The following PSKH1 variants were observed in gnomAD, a reference collection of about 807,000 sequenced individuals.
PSKH1 encodes the protein serine/threonine-protein kinase H1.
PSKH1 carries 12 observed loss-of-function variants against 26.7 expected under a neutral mutation model. The ratio of observed to expected loss-of-function variants is 0.45; its 90% CI spans 0.29 to 0.73. The LOEUF is 0.73. PSKH1 is among the 30% of genes least tolerant of loss of function. PSKH1 has a pLI of 0.11. For missense variants in PSKH1, 431 were observed against 595.2 expected (o/e 0.72, Z 2.87); for synonymous variants, 213 against 234.3 (o/e 0.91, Z 0.83).
chr16:67,928,926 C>A lies in PSKH1; in HGVS notation c.*1284C>A, dbSNP rs1253890629. The A allele has an allele frequency of 6.5e-6, 1 of 152,766 alleles. No homozygotes were observed. Among genetic ancestry groups the A allele is most frequent in the Admixed American group, 6.5e-5 (1 of 15,292 alleles). The allele number at this position is 152,766 out of a possible 1,614,324, so 9.5% of individuals were successfully genotyped here. ...TGCCAGGGGCACTGCCTTCTCACAG[C>A]TGGCCTTGCCCCGTCCACCCTGTGC... On this transcript the variant is annotated 3_prime_UTR_variant, in exon 3 of 3. Coordinates refer to ENST00000291041, the MANE Select transcript of PSKH1 (RefSeq NM_006742.3). The surrounding 1 kb of genome is among the most constrained non-coding windows in gnomAD (Gnocchi z 4.8).
At chr16:67,921,323 C>G (rs2058201784) in intron 2 of PSKH1, among the ~76,000 whole-genome samples, 1 of 151,910 alleles carries the variant, frequency 6.6e-6, no homozygotes, top group Non-Finnish European at 1.5e-5. Context: ...ACGCCTGTAT[C>G]CCAGCACTTT....
At position 67,908,810 on chromosome 16, in the gene PSKH1, G is replaced by A; in HGVS notation, c.61G>A (p.Val21Ile). 2 of 1,613,008 alleles carry A rather than the reference G, an allele frequency of 1.2e-6. No individual in the cohort carries two copies. The highest frequency in any genetic ancestry group is 1.7e-6 in the Non-Finnish European group (2 of 1,179,298). Residue 21 changes from valine (V) to isoleucine (I), a missense_variant, in exon 2 of 3, where the codon GTC becomes ATC. Val to Ile is a conservative substitution (Grantham distance 29). Coordinates refer to ENST00000291041, the MANE Select transcript of PSKH1 (RefSeq NM_006742.3). ...EPPKDVQLDL[V>I]KKVEPFSGTK... ...ACCCAAGGATGTCCAGCTGGATCTG[G>A]TCAAGAAGGTGGAGCCCTTCAGTGG...
intron 2 of PSKH1, among the ~76,000 whole-genome samples, chr16:67,920,498 A>T (rs551193938): frequency 6.6e-6 from 1 of 152,110 alleles, no homozygotes; most frequent in South Asian, 2.1e-4. Flanking sequence ...GCCTCAAGTG[A>T]TCCTCCTGCC....
At chr16:67,899,564 T>A (rs1391139158) in intron 1 of PSKH1, among the ~76,000 whole-genome samples, 2 of 152,126 alleles carry the variant, frequency 1.3e-5, no homozygotes, top group Non-Finnish European at 2.9e-5. Flanking sequence ...CTCAATCTCC[T>A]GTCCTCGTGA....
chr16:67,918,003 GAC>G (rs1017802028), intron 2 of PSKH1, among the ~76,000 whole-genome samples: 15 of 152,110 alleles, frequency 9.9e-5, no homozygotes, highest in Non-Finnish European at 1.9e-4. Flanking sequence ...GCAGTTTGAG[GAC>G]ACAGTCACCT....
In PSKH1 at chr16:67,929,573, A is replaced by G. The variant is rs138691382; in HGVS notation, c.*1931A>G. 1.2e-3 allele frequency: 252 copies of G among 216,886 alleles called. No individual in the cohort carries two copies. Among genetic ancestry groups the G allele is most frequent in the African/African-American group, 5.4e-3 (240 of 44,596 alleles). 13.4% of individuals were successfully genotyped at this position (216,886 alleles called of 1,614,324 possible). A position where few individuals can be genotyped will look rare whatever the true frequency, so the allele number is the denominator to read the frequency against. On this transcript the variant is annotated 3_prime_UTR_variant, in exon 3 of 3. Coordinates refer to ENST00000291041, the MANE Select transcript of PSKH1 (RefSeq NM_006742.3). ...TGGGCCTTCATGCCATGGCCTGTGGATGGAGAATGTGCAGTTATTTATTAT... is the reference window on the plus strand; with the variant it reads ...TGGGCCTTCATGCCATGGCCTGTGGGTGGAGAATGTGCAGTTATTTATTAT...
chr16:67,915,116 T>G (rs900212007), intron 2 of PSKH1, among the ~76,000 whole-genome samples: 4 of 152,078 alleles, frequency 2.6e-5, no homozygotes, highest in African/African-American at 4.8e-5. Context: ...GGTCCTTAGA[T>G]TCTGTTGTTC....
At chr16:67,895,369 CTT>C (rs959969087) in intron 1 of PSKH1, among the ~76,000 whole-genome samples, 10 of 151,678 alleles carry the variant, frequency 6.6e-5, no homozygotes, top group African/African-American at 2.2e-4. Context: ...CTGACCCACT[CTT>C]TGAGATTTTG....
At chr16:67,905,765 A>AT (rs1259101557) in intron 1 of PSKH1, among the ~76,000 whole-genome samples, 2 of 152,176 alleles carry the variant, frequency 1.3e-5, no homozygotes, top group Admixed American at 6.5e-5. Context: ...AGGCTGAGGC[A>AT]TGAGAATCGC....
At chr16:67,905,635 G>A (rs937034212) in intron 1 of PSKH1, among the ~76,000 whole-genome samples, 16 of 152,268 alleles carry the variant, frequency 1.1e-4, no homozygotes, top group South Asian at 4.1e-4. Context: ...CAAAGCTGGC[G>A]GATCACTTGA....
intron 2 of PSKH1, among the ~76,000 whole-genome samples, chr16:67,920,502 T>G (rs530378718): frequency 6.6e-6 from 1 of 152,260 alleles, no homozygotes; most frequent in East Asian, 1.9e-4. Context: ...CAAGTGATCC[T>G]CCTGCCTCGG....
At position 67,927,819 on chromosome 16, in the gene PSKH1, C is replaced by T. The variant is rs2058222209; in HGVS notation, c.*177C>T. 1.3e-6 allele frequency: 1 copy of T among 753,518 alleles called. No homozygotes were observed. The allele number at this position is 753,518 out of a possible 1,614,324, so 46.7% of individuals were successfully genotyped here. ...CCCCTGTCCTCACCATGGGCCTGGG[C>T]CAGGTGTGACAGAGTAGAGGTAGCA... is the stretch of plus-strand genomic sequence containing the variant. On this transcript the variant is annotated 3_prime_UTR_variant, in exon 3 of 3. Coordinates refer to ENST00000291041, the MANE Select transcript of PSKH1 (RefSeq NM_006742.3). This position sits in a 1 kb window ranked among gnomAD's most constrained non-coding sequence, Gnocchi z 5.5.
chr16:67,903,297 A>T (rs574039441), intron 1 of PSKH1, among the ~76,000 whole-genome samples: 1 of 152,110 alleles, frequency 6.6e-6, no homozygotes, highest in South Asian at 2.1e-4. Flanking sequence ...TCACAGGCAC[A>T]TGCCACCATG....
At chr16:67,914,486 G>A (rs1222789919) in intron 2 of PSKH1, among the ~76,000 whole-genome samples, 2 of 139,954 alleles carry the variant, frequency 1.4e-5, no homozygotes, top group African/African-American at 5.4e-5. Flanking sequence ...ATGGAGTCTC[G>A]CTCTGTCGCC....
chr16:67,925,102 G>A (rs1194291727), intron 2 of PSKH1, among the ~76,000 whole-genome samples: 1 of 152,056 alleles, frequency 6.6e-6, no homozygotes, highest in Admixed American at 6.5e-5. Flanking sequence ...ACTGCTCCTG[G>A]CTTTTGGGGT....
At chr16:67,897,574 T>C (rs2058129899) in intron 1 of PSKH1, among the ~76,000 whole-genome samples, 1 of 152,206 alleles carries the variant, frequency 6.6e-6, no homozygotes, top group Admixed American at 6.5e-5. Flanking sequence ...ATGGCCGCCT[T>C]CTTTTTGTTT....
intron 1 of PSKH1, among the ~76,000 whole-genome samples, chr16:67,904,578 GA>G (rs1322001731): frequency 6.6e-6 from 1 of 151,778 alleles, no homozygotes; most frequent in East Asian, 1.9e-4. Flanking sequence ...TACCTCAGGT[GA>G]TTCGCCTGCC....
chr16:67,914,433 G>A (rs1285365094), intron 2 of PSKH1, among the ~76,000 whole-genome samples: 1 of 151,182 alleles, frequency 6.6e-6, no homozygotes, highest in Non-Finnish European at 1.5e-5. Context: ...GATTACAGGC[G>A]TGAGCCACTG....
intron 2 of PSKH1, among the ~76,000 whole-genome samples, chr16:67,920,263 A>G (rs1295629151): frequency 6.6e-6 from 1 of 152,014 alleles, no homozygotes; most frequent in Admixed American, 6.6e-5. Flanking sequence ...TTTATTTATT[A>G]TTATTTTTTA....
Sources: allele counts gnomAD v4.1 joint callset (sites outside exome capture counted in the v4.1 genomes callset), GRCh38; gene constraint gnomAD v4.1.1; non-coding constraint Gnocchi (gnomAD v3.1); transcripts MANE v1.5; gene names NCBI Gene and HGNC (gene_info 2026-07-23, HGNC 2026-07-21).